Variants in PREX1 observed in about 807,000 individuals in gnomAD.
The protein encoded by PREX1 is phosphatidylinositol-3,4,5-trisphosphate dependent Rac exchange factor 1, also known as phosphatidylinositol 3,4,5-trisphosphate-dependent Rac exchanger 1 protein.
PREX1 carries 41 observed loss-of-function variants against 198.3 expected under a neutral mutation model. That is an observed-to-expected ratio of 0.21 (90% CI 0.16 to 0.27). The LOEUF is 0.27. PREX1 is among the 10% of genes least tolerant of loss of function. The pLI, the probability that PREX1 is intolerant of heterozygous loss-of-function variation, is 1.00. For synonymous variants in PREX1, 843 were observed against 887.2 expected (o/e 0.95, Z 0.89); for missense variants, 1,620 against 2,200.7 (o/e 0.74, Z 5.28).
chr20:48,653,556 A>C, intron 19 of PREX1, 59 bp from the exon 20 acceptor site: 3 of 1,569,788 alleles, frequency 1.9e-6, no homozygotes, highest in Non-Finnish European at 2.6e-6. Context: ...AGCCCGCTGA[A>C]CACTGTCCCC....
chr20:48,858,595 T>C, the PREX1 span, among the ~76,000 whole-genome samples: 1 of 152,214 alleles, frequency 6.6e-6, no homozygotes. Flanking sequence ...TCCTGGGGTG[T>C]AGGCTCCCAG....
chr20:48,633,145 A>C (rs1448265223), intron 33 of PREX1, among the ~76,000 whole-genome samples: 2 of 152,026 alleles, frequency 1.3e-5, no homozygotes, highest in Non-Finnish European at 2.9e-5. Flanking sequence ...GGCAGACATC[A>C]CTCATCGATC....
chr20:48,822,580 A>G (rs2090490944), intron 1 of PREX1, among the ~76,000 whole-genome samples: 1 of 152,274 alleles, frequency 6.6e-6, no homozygotes, highest in Admixed American at 6.5e-5. Context: ...CATTAATCTA[A>G]TAACCATGTT....
At chr20:48,665,712 G>A (rs2089634733) in intron 15 of PREX1, among the ~76,000 whole-genome samples, 1 of 152,172 alleles carries the variant, frequency 6.6e-6, no homozygotes, top group African/African-American at 2.4e-5. Context: ...ACTAACTTTT[G>A]TTGTAATTTA....
At chr20:48,697,159 G>A (rs542845552) in intron 7 of PREX1, among the ~76,000 whole-genome samples, 1 of 152,174 alleles carries the variant, frequency 6.6e-6, no homozygotes, top group South Asian at 2.1e-4. Flanking sequence ...CCCAAATAAA[G>A]ATATATGTAT....
the PREX1 span, among the ~76,000 whole-genome samples, chr20:48,861,094 C>T: frequency 6.6e-6 from 1 of 152,184 alleles, no homozygotes; most frequent in Non-Finnish European, 1.5e-5. Context: ...ATTGCAGTCA[C>T]ACCCAGCTCC....
At chr20:48,719,302 G>A (rs1448982052) in intron 5 of PREX1, among the ~76,000 whole-genome samples, 1 of 144,582 alleles carries the variant, frequency 6.9e-6, no homozygotes, top group Non-Finnish European at 1.5e-5. Context: ...GTGATGGCAG[G>A]ACCCCCCCCC....
At chr20:48,653,646 TC>T in intron 19 of PREX1, 149 bp from the exon 20 acceptor site, 1 of 950,366 alleles carries the variant, frequency 1.1e-6, no homozygotes, top group Non-Finnish European at 1.5e-6. Flanking sequence ...CCTCTGACAC[TC>T]CAGTGCAAAG....
chr20:48,644,082 A>C (rs2089433827), intron 27 of PREX1, among the ~76,000 whole-genome samples: 1 of 152,250 alleles, frequency 6.6e-6, no homozygotes, highest in South Asian at 2.1e-4. Flanking sequence ...CAGCACACGC[A>C]TCACAACATT....
At chr20:48,636,217 A>ATC (rs138856412) in intron 32 of PREX1, among the ~76,000 whole-genome samples, 3 of 152,352 alleles carry the variant, frequency 2.0e-5, no homozygotes, top group African/African-American at 7.2e-5. Flanking sequence ...GGATTCTGTT[A>ATC]TCTGTGTGTG....
rs1358808539 is a variant in PREX1, at chr20:48,684,919, A to G, written c.1335-3584T>C. ...CTAAGCCAGGAATGCTGTTCCCCAC[A>G]CCCTCTCATGGCTGGCTCTTGCTTG... On this transcript the variant is annotated intron_variant, in intron 10 of 39. Transcript: ENST00000371941. This position sits in a 1 kb window ranked among gnomAD's most constrained non-coding sequence, Gnocchi z 4.2. Among the ~76,000 whole-genome samples, 1 of 151,716 alleles carries G rather than the reference A, an allele frequency of 6.6e-6. No homozygotes were observed. Among genetic ancestry groups the G allele is most frequent in the African/African-American group, 2.4e-5 (1 of 41,240 alleles).
intron 1 of PREX1, among the ~76,000 whole-genome samples, chr20:48,820,127 GTGTC>G (rs2090478194): frequency 1.3e-5 from 2 of 152,230 alleles, no homozygotes; most frequent in African/African-American, 4.8e-5. Context: ...CACAGATTGA[GTGTC>G]TGACCACAAG....
the PREX1 span, among the ~76,000 whole-genome samples, chr20:48,885,004 A>C: frequency 3.3e-5 from 5 of 152,234 alleles, no homozygotes; most frequent in Admixed American, 2.6e-4. Context: ...CCCCAGGTCC[A>C]TTATACCTAG....
At chr20:48,765,128 T>C (rs2090202688) in intron 1 of PREX1, among the ~76,000 whole-genome samples, 1 of 152,226 alleles carries the variant, frequency 6.6e-6, no homozygotes, top group Non-Finnish European at 1.5e-5. Context: ...AGCAAACCTG[T>C]TGTATCTCCA....
chr20:48,766,306 C>G (rs6090905), intron 1 of PREX1, among the ~76,000 whole-genome samples: 2 of 152,128 alleles, frequency 1.3e-5, no homozygotes, highest in Non-Finnish European at 2.9e-5. Flanking sequence ...GACCACTGGC[C>G]TAGATCACTT....
Position 48,653,338 on chromosome 20 carries a change from G to A in PREX1, c.2346+23C>T, listed in dbSNP as rs971358371. On this transcript the variant is annotated intron_variant, in intron 20 of 39. Transcript: ENST00000371941. ...CCCACTCAGCAGGACTTCTTTGACGGCCCCGGTTTCCAGTAAACTTACCAG... is the reference window on the plus strand; with the variant it reads ...CCCACTCAGCAGGACTTCTTTGACGACCCCGGTTTCCAGTAAACTTACCAG... 6 of 1,606,222 alleles carry A rather than the reference G, an allele frequency of 3.7e-6. No homozygotes were observed. The African/African-American group carries it at 4.0e-5, about 11-fold the overall frequency.
chr20:48,633,723 C>T (rs2089334087), intron 33 of PREX1, among the ~76,000 whole-genome samples: 1 of 152,140 alleles, frequency 6.6e-6, no homozygotes, highest in South Asian at 2.1e-4. Context: ...CCAGCCCTGG[C>T]TGCACATCCA....
In PREX1 at chr20:48,730,405, A is replaced by T. The variant is rs577730401; in HGVS notation, c.520-4014T>A. Among the ~76,000 whole-genome samples, 28 of 141,060 alleles carry T rather than the reference A, an allele frequency of 2.0e-4. No homozygotes were observed. In the East Asian group the frequency reaches 5.7e-3, roughly 28 times the overall value. The allele number at this position is 141,060 out of a possible 152,430, so 92.5% of individuals were successfully genotyped here. On this transcript the variant is annotated intron_variant, in intron 4 of 39. Coordinates refer to ENST00000371941, the MANE Select transcript of PREX1 (RefSeq NM_020820.4). ...CGATCCTACAGACATCATGCTGCGC[A>T]AAAGCCACCACACACACACACACAC...
At chr20:48,825,392 G>T (rs1190898620) in intron 1 of PREX1, among the ~76,000 whole-genome samples, 1 of 152,176 alleles carries the variant, frequency 6.6e-6, no homozygotes, top group Non-Finnish European at 1.5e-5. Context: ...GTCCAAGTCA[G>T]AACCAATTCA....
Sources: allele counts gnomAD v4.1 joint callset (sites outside exome capture counted in the v4.1 genomes callset), GRCh38; gene constraint gnomAD v4.1.1; non-coding constraint Gnocchi (gnomAD v3.1); transcripts MANE v1.5; gene names NCBI Gene and HGNC (gene_info 2026-07-23, HGNC 2026-07-21).